Variants in HMGXB4 observed in about 807,000 individuals in gnomAD.
The protein encoded by HMGXB4 is HMG domain-containing protein 4.
In HMGXB4, 27 loss-of-function variants were observed where a neutral mutation model predicts 63.9. That is an observed-to-expected ratio of 0.42 (90% CI 0.31 to 0.58). The LOEUF is 0.58. Among genes scored for constraint, HMGXB4 ranks in the 20% least tolerant of loss-of-function variants. The probability of loss-of-function intolerance (pLI) is 0.13; values close to 1 mark genes in which losing one functional copy is unlikely to be tolerated. For missense variants in HMGXB4, 624 were observed against 700.7 expected, an observed-to-expected ratio of 0.89 and a Z score of 1.24; for synonymous variants, 264 against 265.3, an observed-to-expected ratio of 0.99 and a Z score of 0.05.
the HMGXB4 span, among the ~76,000 whole-genome samples, chr22:35,246,218 C>G: frequency 6.6e-6 from 1 of 151,664 alleles, no homozygotes; most frequent in Non-Finnish European, 1.5e-5. Flanking sequence ...TTTGCTGGCA[C>G]AGGTGGTATG....
chr22:35,274,816 C>T (rs966961725), intron 5 of HMGXB4, among the ~76,000 whole-genome samples: 1 of 152,216 alleles, frequency 6.6e-6, no homozygotes, highest in African/African-American at 2.4e-5. Flanking sequence ...AGAAACCTTA[C>T]TTATCTGCTG....
At chr22:35,272,499 A>G (rs890221489) in intron 5 of HMGXB4, among the ~76,000 whole-genome samples, 1 of 152,210 alleles carries the variant, frequency 6.6e-6, no homozygotes, top group African/African-American at 2.4e-5. Context: ...GAGAAATTAT[A>G]TGGTAATATC....
chr22:35,277,362 T>C (rs556789295), intron 5 of HMGXB4, among the ~76,000 whole-genome samples: 24 of 152,370 alleles, frequency 1.6e-4, no homozygotes, highest in Non-Finnish European at 2.6e-4. Context: ...TTTATGTTTT[T>C]GTTTTGAGAC....
In HMGXB4 at chr22:35,265,024, A is replaced by G. The variant is rs972108898; in HGVS notation, c.636A>G (p.Gln212=). The part of the protein sequence containing the change: ...GSSSVDEESF[Q]YPSQQATVKK... The stretch of plus-strand genomic sequence containing the variant: ...GCTCTGTTGATGAGGAGTCTTTTCA[A>G]TATCCCTCCCAACAAGCGACTGTGA... Residue 212 remains glutamine, a synonymous_variant, in exon 5 of 11, where the codon CAA becomes CAG. Coordinates refer to ENST00000216106, the MANE Select transcript of HMGXB4 (RefSeq NM_001003681.3). 8 of 1,613,998 alleles carry G rather than the reference A, an allele frequency of 5.0e-6. No homozygotes were observed. Among genetic ancestry groups the G allele is most frequent in the South Asian group, 4.4e-5 (4 of 91,084 alleles).
intron 5 of HMGXB4, among the ~76,000 whole-genome samples, chr22:35,280,960 T>C (rs1924206010): frequency 6.6e-6 from 1 of 152,242 alleles, no homozygotes; most frequent in Non-Finnish European, 1.5e-5. Flanking sequence ...AATAGCACTG[T>C]GTTTTATTAG....
chr22:35,292,860 C>A, intron 9 of HMGXB4, 132 bp from the exon 10 acceptor site: 1 of 1,045,554 alleles, frequency 9.6e-7, no homozygotes, highest in Non-Finnish European at 1.4e-6. Flanking sequence ...TCAAAGTAAA[C>A]TTTCCATTTC....
At chr22:35,278,387 G>A (rs949734962) in intron 5 of HMGXB4, among the ~76,000 whole-genome samples, 7 of 152,180 alleles carry the variant, frequency 4.6e-5, no homozygotes, top group Non-Finnish European at 1.5e-5. Context: ...ACAGCTGATG[G>A]ATTATATGTT....
At chr22:35,291,124 G>A (rs1348262237) in intron 9 of HMGXB4, among the ~76,000 whole-genome samples, 1 of 152,138 alleles carries the variant, frequency 6.6e-6, no homozygotes, top group Non-Finnish European at 1.5e-5. Context: ...TTAGCCAGTT[G>A]TGGTGGTGCA....
chr22:35,291,620 T>C (rs915392614), intron 9 of HMGXB4, among the ~76,000 whole-genome samples: 3 of 152,018 alleles, frequency 2.0e-5, no homozygotes, highest in African/African-American at 7.2e-5. Context: ...ATTTTTGGGG[T>C]TTTAGCTATT....
chr22:35,283,461 GTTCA>G (rs1230243595), intron 5 of HMGXB4, among the ~76,000 whole-genome samples: 7 of 152,138 alleles, frequency 4.6e-5, no homozygotes, highest in Non-Finnish European at 1.0e-4. Flanking sequence ...TAAAACTGAT[GTTCA>G]TCTCTGAGTG....
At chr22:35,253,631 ATG>A (rs1037955181), upstream of HMGXB4, among the ~76,000 whole-genome samples, 2 of 150,642 alleles carry the variant, frequency 1.3e-5, no homozygotes, top group Non-Finnish European at 3.0e-5. Flanking sequence ...GTGTGTGTGT[ATG>A]TGTGTTGCTG....
At chr22:35,280,324 A>G (rs1435391576) in intron 5 of HMGXB4, among the ~76,000 whole-genome samples, 1 of 152,232 alleles carries the variant, frequency 6.6e-6, no homozygotes, top group African/African-American at 2.4e-5. Flanking sequence ...GGTATTATCC[A>G]AGTTTTGTAG....
At chr22:35,266,274 AC>A (rs1280309884) in intron 5 of HMGXB4, among the ~76,000 whole-genome samples, 1 of 152,200 alleles carries the variant, frequency 6.6e-6, no homozygotes, top group Non-Finnish European at 1.5e-5. Flanking sequence ...ATTTTTAAAA[AC>A]AGACTATCAA....
Position 35,264,944 on chromosome 22 carries a change from G to A in HMGXB4, c.556G>A (p.Glu186Lys). Residue 186 changes from glutamate (E) to lysine (K), a missense_variant, in exon 5 of 11, where the codon GAG (glutamate) becomes AAG (lysine). Glu to Lys is a moderately conservative substitution (Grantham distance 56). Transcript: ENST00000216106. ...GAACACAGAGACACTGACCCTTCGG[G>A]AGCCTGATGGTTTAAAAATGAAACT... ...YVNTETLTLR[E>K]PDGLKMKLIL... The A allele has an allele frequency of 6.2e-7, 1 of 1,614,168 alleles. No individual in the cohort carries two copies. Among genetic ancestry groups the A allele is most frequent in the Non-Finnish European group, 8.5e-7 (1 of 1,180,044 alleles).
intron 8 of HMGXB4, among the ~76,000 whole-genome samples, 167 bp downstream of exon 8, chr22:35,287,619 A>G (rs938970959): frequency 6.6e-6 from 1 of 152,190 alleles, no homozygotes; most frequent in African/African-American, 2.4e-5. Context: ...AATTTAGAAA[A>G]TGCAAATCAG....
chr22:35,286,983 G>A (rs968711141), intron 7 of HMGXB4: 3 of 174,020 alleles, frequency 1.7e-5, no homozygotes, highest in Admixed American at 5.8e-5. Context: ...TGTTTTCCTT[G>A]TTATTGTTAT....
intron 1 of HMGXB4, 36 bp from the exon 2 acceptor site, chr22:35,262,287 C>G: frequency 8.6e-7 from 1 of 1,168,576 alleles, no homozygotes; most frequent in Non-Finnish European, 1.3e-6. Context: ...TCAGTGATTT[C>G]GCATTACAGG....
At chr22:35,250,539 C>A in the HMGXB4 span, among the ~76,000 whole-genome samples, 1 of 152,160 alleles carries the variant, frequency 6.6e-6, no homozygotes. Flanking sequence ...CCCCATGACC[C>A]AAACACCTCC....
At chr22:35,253,780 C>T (rs112359192), upstream of HMGXB4, among the ~76,000 whole-genome samples, 564 of 152,226 alleles carry the variant, frequency 3.7e-3, 6 homozygotes, top group African/African-American at 0.013. Context: ...TTTGAATCCC[C>T]GGACCCAGCT....
Sources: gnomAD v4.1 joint callset for allele counts (sites outside exome capture counted in the v4.1 genomes callset) on GRCh38, gnomAD v4.1.1 for gene constraint, MANE v1.5 for transcripts, NCBI Gene and HGNC (gene_info 2026-07-23, HGNC 2026-07-21) for gene names.